RNF135: variants seen among roughly 807,000 people sequenced by gnomAD.
RNF135 encodes the protein ring finger protein 135.
In RNF135, 46 loss-of-function variants were observed where a neutral mutation model predicts 41.9. The ratio of observed to expected loss-of-function variants is 1.10; its 90% CI spans 0.87 to 1.40. The LOEUF is 1.40. RNF135 is among the 40% of genes most tolerant of loss of function. The pLI, the probability that RNF135 is intolerant of heterozygous loss-of-function variation, is 0.00. For synonymous variants in RNF135, 238 were observed against 223.8 expected, an observed-to-expected ratio of 1.06 and a Z score of -0.57; for missense variants, 539 against 549.8, an observed-to-expected ratio of 0.98 and a Z score of 0.20.
the RNF135 span, among the ~76,000 whole-genome samples, chr17:30,960,236 A>G: frequency 6.6e-6 from 1 of 151,876 alleles, no homozygotes; most frequent in Non-Finnish European, 1.5e-5. Context: ...TACTAAAAAT[A>G]CAAAAATTAG....
chr17:30,998,549 T>G (rs568768231), intron 4 of RNF135, 113 bp from the exon 5 acceptor site: 1 of 1,011,688 alleles, frequency 9.9e-7, no homozygotes, highest in East Asian at 2.4e-5. Context: ...TTAATGCTAG[T>G]GTGAGTGAAA....
intron 1 of RNF135, among the ~76,000 whole-genome samples, chr17:30,983,041 C>T (rs1286217400): frequency 1.3e-5 from 2 of 151,920 alleles, no homozygotes; most frequent in Non-Finnish European, 2.9e-5. Context: ...TGGCTTATTT[C>T]ACTTAGCATA....
At chr17:30,963,576 G>GA in the RNF135 span, among the ~76,000 whole-genome samples, 29,967 of 148,532 alleles carry the variant, frequency 0.2, 9,357 homozygotes, top group African/African-American at 0.67. Flanking sequence ...TCTGTCTCAA[G>GA]AAAAAAAAAA....
intron 3 of RNF135, among the ~76,000 whole-genome samples, chr17:30,996,072 C>G (rs1208792170): frequency 6.6e-6 from 1 of 150,582 alleles, no homozygotes; most frequent in Non-Finnish European, 1.5e-5. Context: ...CCACCACGCC[C>G]AGGCAGAATT....
upstream of RNF135, among the ~76,000 whole-genome samples, chr17:30,969,921 C>A (rs914670478): frequency 1.3e-5 from 2 of 151,868 alleles, no homozygotes; most frequent in Admixed American, 1.3e-4. Context: ...TGCGCCAGGG[C>A]GCCTGGCTTT....
intron 4 of RNF135, among the ~76,000 whole-genome samples, chr17:30,997,955 AAGTG>A (rs1382415868): frequency 6.6e-6 from 1 of 152,246 alleles, no homozygotes; most frequent in Admixed American, 6.5e-5. Context: ...GAAATATACA[AAGTG>A]AGTAAGACAT....
At chr17:30,970,694 G>A (rs1449254517), upstream of RNF135, 4 of 270,680 alleles carry the variant, frequency 1.5e-5, no homozygotes, top group Non-Finnish European at 2.8e-5. Flanking sequence ...AAGAGTTGTC[G>A]GTGTTGCATC....
At position 30,998,908 on chromosome 17, in the gene RNF135, T is replaced by G; in HGVS notation, c.1016T>G (p.Val339Gly). The change falls in exon 5 of 5, where the codon GTC (valine) becomes GGC (glycine). Residue 339 changes from valine (V) to glycine (G), a missense_variant. Transcript: ENST00000328381. Reference protein sequence around the residue: ...VASWEMSRDQVLGRTMDSCCV... With the variant: ...VASWEMSRDQGLGRTMDSCCV... ...TCCTGGGAGATGAGCCGCGACCAGG[T>G]CCTGGGAAGGACTATGGACTCTTGT... The G allele has an allele frequency of 2.5e-6, 4 of 1,611,982 alleles. No homozygotes were observed. The highest frequency in any genetic ancestry group is 3.4e-6 in the Non-Finnish European group (4 of 1,178,510).
chr17:30,987,268 G>A (rs1214639527), intron 2 of RNF135, among the ~76,000 whole-genome samples: 4 of 151,234 alleles, frequency 2.6e-5, no homozygotes, highest in East Asian at 3.9e-4. Context: ...TTGCTCTGTC[G>A]CCCAGGTTGT....
At chr17:30,992,371 A>ATT (rs555306484) in intron 3 of RNF135, among the ~76,000 whole-genome samples, 25 of 139,558 alleles carry the variant, frequency 1.8e-4, no homozygotes, top group South Asian at 4.5e-4. Flanking sequence ...TCTGGCCTCA[A>ATT]TTTTTTTTTT....
At chr17:30,970,012 A>T (rs1905761841), upstream of RNF135, among the ~76,000 whole-genome samples, 1 of 151,718 alleles carries the variant, frequency 6.6e-6, no homozygotes, top group Non-Finnish European at 1.5e-5. Flanking sequence ...CCTGACTTCA[A>T]GTGATCCAAA....
chr17:30,971,322 C>G lies in RNF135; in HGVS notation c.249C>G (p.Asp83Glu), dbSNP rs1326154915. The G allele has an allele frequency of 3.9e-6, 6 of 1,533,922 alleles. No homozygotes were observed. Among genetic ancestry groups the G allele is most frequent in the South Asian group, 1.2e-5 (1 of 83,214 alleles). Residue 83 changes from aspartate to glutamate, a missense_variant, in exon 1 of 5, where the codon GAC becomes GAG. Asp to Glu is a conservative substitution (Grantham distance 45). Coordinates refer to ENST00000328381, the MANE Select transcript of RNF135 (RefSeq NM_032322.4). ...RKNTLLQDLA[D>E]KYRRAAREIQ... ...ACACGCTACTGCAGGACCTGGCCGA[C>G]AAGTACCGCCGCGCCGCACGCGAGA...
upstream of RNF135, among the ~76,000 whole-genome samples, chr17:30,967,843 A>T (rs1905614146): frequency 1.3e-5 from 2 of 152,006 alleles, no homozygotes; most frequent in South Asian, 4.2e-4. Context: ...CTGGGATTAC[A>T]GGTGCCTGCA....
intron 3 of RNF135, among the ~76,000 whole-genome samples, chr17:30,996,395 G>A (rs563500318): frequency 4.6e-5 from 7 of 152,168 alleles, no homozygotes; most frequent in South Asian, 4.2e-4. Flanking sequence ...GGCAGTATTC[G>A]TTACTTTTTA....
At chr17:30,991,776 T>C (rs62068776) in intron 3 of RNF135, among the ~76,000 whole-genome samples, 32,558 of 152,070 alleles carry the variant, frequency 0.21, 4,326 homozygotes, top group Non-Finnish European at 0.3. Flanking sequence ...GTTATTGGTC[T>C]TTTAAAAATT....
At chr17:30,981,146 T>C (rs911131614) in intron 1 of RNF135, among the ~76,000 whole-genome samples, 2 of 149,058 alleles carry the variant, frequency 1.3e-5, no homozygotes, top group African/African-American at 5.1e-5. Context: ...TCACTCGCGG[T>C]TAGGAGCTGG....
chr17:30,994,537 C>CA (rs1165193320), intron 3 of RNF135, among the ~76,000 whole-genome samples: 1 of 151,712 alleles, frequency 6.6e-6, no homozygotes, highest in Non-Finnish European at 1.5e-5. Context: ...GCAACAACAA[C>CA]AAAAAAAGTA....
In RNF135 at chr17:30,971,397, C is replaced by G. The variant is rs1034857245; in HGVS notation, c.324C>G (p.Ser108=). 6.6e-7 allele frequency: 1 copy of G among 1,521,992 alleles called. No individual in the cohort carries two copies. Among genetic ancestry groups the G allele is most frequent in the Non-Finnish European group, 8.8e-7 (1 of 1,141,114 alleles). The allele number at this position is 1,521,992 out of a possible 1,614,324, so 94.3% of individuals were successfully genotyped here. The part of the protein sequence containing the change: ...PAHCPCPGSS[S]LSSAAARPRR... ...ACTGCCCCTGCCCGGGCTCCAGTTC[C>G]CTCTCCAGCGCGGCCGCGAGGCCCC... The change falls in exon 1 of 5, where the codon TCC becomes TCG. Residue 108 remains serine, a synonymous_variant. Coordinates refer to ENST00000328381, the MANE Select transcript of RNF135 (RefSeq NM_032322.4).
At chr17:30,971,016 G>A (rs1481988520), upstream of RNF135, 21 of 1,531,664 alleles carry the variant, frequency 1.4e-5, no homozygotes, top group Non-Finnish European at 1.7e-5. Context: ...CGAGGGAGGA[G>A]CCTGAGGAGA....
Sources: allele counts gnomAD v4.1 joint callset (sites outside exome capture counted in the v4.1 genomes callset), GRCh38; gene constraint gnomAD v4.1.1; transcripts MANE v1.5; gene names NCBI Gene and HGNC (gene_info 2026-07-23, HGNC 2026-07-21).